Variants in GNL3L observed in about 807,000 individuals in gnomAD.
GNL3L encodes the protein G protein nucleolar 3 like.
Under a neutral mutation model 42.9 loss-of-function variants are expected in GNL3L, and 4 were observed. The observed-to-expected ratio is 0.09, with a 90% CI of 0.05 to 0.21. The LOEUF is 0.21. GNL3L is among the 10% of genes least tolerant of loss of function. GNL3L has a pLI of 1.00. For missense variants in GNL3L, 412 were observed against 481.7 expected, an observed-to-expected ratio of 0.86 and a Z score of 1.36; for synonymous variants, 159 against 176.3, an observed-to-expected ratio of 0.90 and a Z score of 0.78.
chrX:54,550,827 A>C lies in GNL3L; in HGVS notation c.776-136A>C, dbSNP rs998526290. 10 of 449,553 alleles carry C rather than the reference A, an allele frequency of 2.2e-5. No homozygotes were observed. In the African/African-American group the frequency reaches 2.4e-4, roughly 11 times the overall value. 37.0% of individuals were successfully genotyped at this position (449,553 alleles called of 1,213,427 possible). ...GGCTTTGTCAGGGCCTGGGGTGGGA[A>C]GGGAGGAGGTCAGGCTCAATTTTTT... On this transcript the variant is annotated intron_variant, in intron 9 of 15. Coordinates refer to ENST00000360845, the MANE Select transcript of GNL3L (RefSeq NM_001184819.2).
Position 54,565,869 on chromosome X carries a change from G to T in GNL3L, c.*5267G>T, listed in dbSNP as rs1925414071. Among the ~76,000 whole-genome samples the T allele has an allele frequency of 1.1e-5, 1 of 94,947 alleles. No individual in the cohort carries two copies. Among genetic ancestry groups the T allele is most frequent in the Non-Finnish European group, 2.1e-5 (1 of 48,080 alleles). The allele number at this position is 94,947 out of a possible 115,157, so 82.5% of individuals were successfully genotyped here. On this transcript the variant is annotated 3_prime_UTR_variant, in exon 16 of 16. Transcript: ENST00000360845. ...TTGAAACAGAGTCCTCACCCAGGTT[G>T]GAGTGTAGTGGTGCAATCTCGGCTC...
At position 54,541,811 on chromosome X, in the gene GNL3L, TCA is replaced by T. The variant is rs1477019006; in HGVS notation, c.306+429_306+430del. On this transcript the variant is annotated intron_variant, in intron 5 of 15. Transcript: ENST00000360845. Reference sequence around the variant, plus strand: ...TGCCTTTTTGGCAGATGTTCTTGTTTCACACACAGAATACACGCTTGCCAGCT... The same window carrying T: ...TGCCTTTTTGGCAGATGTTCTTGTTTCACACAGAATACACGCTTGCCAGCT... 2.7e-5 allele frequency among the ~76,000 whole-genome samples: 3 copies of T among 111,684 alleles called. No individual in the cohort carries two copies. In the East Asian group the frequency reaches 8.5e-4, roughly 31 times the overall value.
At chrX:54,607,867 G>T (rs987372642) in intron 16 of GNL3L, among the ~76,000 whole-genome samples, 2 of 111,586 alleles carry the variant, frequency 1.8e-5, no homozygotes, top group African/African-American at 6.5e-5. Flanking sequence ...AAGTACATCA[G>T]AAGTAGAATG....
chrX:54,558,876 C>T (rs1023354550), intron 15 of GNL3L, among the ~76,000 whole-genome samples: 1 of 111,983 alleles, frequency 8.9e-6, no homozygotes, highest in Non-Finnish European at 1.9e-5. Flanking sequence ...AGGCTGGTCT[C>T]AAACTCCTGA....
At chrX:54,544,094 CAG>C in intron 7 of GNL3L, 127 bp from the exon 8 acceptor site, 1 of 454,203 alleles carries the variant, frequency 2.2e-6, no homozygotes. Context: ...ATGGGAATGA[CAG>C]GGCCAGTTGA....
rs1018202629 is a variant in GNL3L at position 54,558,468 on chromosome X, G to A, written c.1479G>A (p.Pro493=). ...ATCTCACTGGGTATTGCACCAATCCGAACCGTCATCAGATGGGGTGGGCTA... is the reference window on the plus strand; with the variant it reads ...ATCTCACTGGGTATTGCACCAATCCAAACCGTCATCAGATGGGGTGGGCTA... ...IGDLTGYCTN[P]NRHQMGWAKR... Residue 493 remains proline, a synonymous_variant, in exon 15 of 16, where the codon CCG becomes CCA. Transcript: ENST00000360845. 3 of 1,204,930 alleles carry A rather than the reference G, an allele frequency of 2.5e-6. No homozygotes were observed. The highest frequency in any genetic ancestry group is 2.2e-5 in the Admixed American group (1 of 45,562).
chrX:54,599,921 CTTCTA>C (rs1925982319), intron 16 of GNL3L, among the ~76,000 whole-genome samples: 1 of 110,737 alleles, frequency 9.0e-6, no homozygotes, highest in African/African-American at 3.3e-5. Context: ...CTCTTCATAT[CTTCTA>C]TTTATTTGTA....
At chrX:54,591,164 A>G (rs1054408235) in intron 16 of GNL3L, among the ~76,000 whole-genome samples, 3 of 110,951 alleles carry the variant, frequency 2.7e-5, no homozygotes, top group African/African-American at 6.6e-5. Flanking sequence ...ATGCATTTTG[A>G]TTTGTTTTTT....
At chrX:54,644,778 T>C in the GNL3L span, among the ~76,000 whole-genome samples, 1 of 111,695 alleles carries the variant, frequency 9.0e-6, no homozygotes, top group African/African-American at 3.2e-5. Context: ...TTAGCACACA[T>C]TGTGAAAGTA....
intron 16 of GNL3L, among the ~76,000 whole-genome samples, chrX:54,620,137 A>G (rs1380235410): frequency 9.0e-6 from 1 of 111,009 alleles, no homozygotes; most frequent in Admixed American, 9.6e-5. Context: ...ATACAATTAT[A>G]CTCTTTCGGT....
chrX:54,542,483 A>C (rs1465141109), intron 5 of GNL3L, among the ~76,000 whole-genome samples: 2 of 110,976 alleles, frequency 1.8e-5, no homozygotes, highest in Non-Finnish European at 3.8e-5. Context: ...ACATTTTCTT[A>C]ATCCAGTCTA....
At chrX:54,572,159 G>A (rs1389824185), downstream of GNL3L, among the ~76,000 whole-genome samples, 1 of 108,864 alleles carries the variant, frequency 9.2e-6, no homozygotes, top group Non-Finnish European at 1.9e-5. Flanking sequence ...GCGGCCTTCT[G>A]CAGTGTTTGT....
At chrX:54,622,485 A>C (rs1194492302), downstream of GNL3L, among the ~76,000 whole-genome samples, 1 of 107,682 alleles carries the variant, frequency 9.3e-6, no homozygotes, top group Non-Finnish European at 1.9e-5. Flanking sequence ...GGGTTTCACT[A>C]TGTTGGCCAG....
chrX:54,567,323 G>A (rs766317824), downstream of GNL3L, among the ~76,000 whole-genome samples: 135 of 103,216 alleles, frequency 1.3e-3, no homozygotes, highest in Non-Finnish European at 2.1e-3. Context: ...TTGTCTTATT[G>A]TAGTCGCTGG....
chrX:54,628,212 G>GGTGTGTGTGT, the GNL3L span, among the ~76,000 whole-genome samples: 2 of 95,770 alleles, frequency 2.1e-5, no homozygotes, highest in Admixed American at 1.2e-4. Flanking sequence ...AGTATTCCGT[G>GGTGTGTGTGT]GTGTGTGTGT....
At chrX:54,632,417 T>G in the GNL3L span, among the ~76,000 whole-genome samples, 55 of 109,743 alleles carry the variant, frequency 5.0e-4, no homozygotes, top group Admixed American at 3.7e-3. Flanking sequence ...TATTCTTAGT[T>G]TTTTTTTTTA....
chrX:54,613,030 G>T (rs928367213), intron 16 of GNL3L, among the ~76,000 whole-genome samples: 15 of 111,636 alleles, frequency 1.3e-4, no homozygotes, highest in African/African-American at 3.9e-4. Flanking sequence ...TGTTTTCCAA[G>T]CTTTTACGGT....
intron 5 of GNL3L, among the ~76,000 whole-genome samples, chrX:54,542,663 G>A (rs950554239): frequency 8.9e-5 from 10 of 111,797 alleles, no homozygotes; most frequent in African/African-American, 3.3e-4. Flanking sequence ...GATCCTTGAG[G>A]AATCGCCACA....
rs977831259 is a variant in GNL3L, at chrX:54,566,288, C to T, written c.*5686C>T. On this transcript the variant is annotated 3_prime_UTR_variant, in exon 16 of 16. Transcript: ENST00000360845. ...CACACCTAAATCTCGAATTGTAGTT[C>T]CCATAATCCCCACACATATGTACCA... Among the ~76,000 whole-genome samples, 3 of 111,789 alleles carry T rather than the reference C, an allele frequency of 2.7e-5. No homozygotes were observed. Among genetic ancestry groups the T allele is most frequent in the East Asian group, 5.6e-4 (2 of 3,587 alleles).
Sources: gnomAD v4.1 joint callset for allele counts (sites outside exome capture counted in the v4.1 genomes callset) on GRCh38, gnomAD v4.1.1 for gene constraint, MANE v1.5 for transcripts, NCBI Gene and HGNC (gene_info 2026-07-23, HGNC 2026-07-21) for gene names.